The following RAD21L1 variants were observed in gnomAD, a reference collection of about 807,000 sequenced individuals.
RAD21L1 encodes the protein double-strand-break repair protein rad21-like protein 1.
In RAD21L1, 47 loss-of-function variants were observed where a neutral mutation model predicts 69.0. The ratio of observed to expected loss-of-function variants is 0.68; its 90% CI spans 0.54 to 0.87. The LOEUF is 0.87. Among genes scored for constraint, RAD21L1 ranks in the 40% least tolerant of loss-of-function variants. RAD21L1 has a pLI of 0.00. For synonymous variants in RAD21L1, 177 were observed against 205.8 expected, an observed-to-expected ratio of 0.86 and a Z score of 1.20; for missense variants, 583 against 647.6, an observed-to-expected ratio of 0.90 and a Z score of 1.08.
intron 13 of RAD21L1, among the ~76,000 whole-genome samples, chr20:1,252,166 G>T (rs2122172035): frequency 6.6e-6 from 1 of 152,228 alleles, no homozygotes; most frequent in African/African-American, 2.4e-5. Context: ...TCTTTCCTTA[G>T]TGATTTTCTT....
intron 2 of RAD21L1, 94 bp from the exon 3 acceptor site, chr20:1,229,786 A>T: frequency 1.0e-6 from 1 of 961,574 alleles, no homozygotes; most frequent in Non-Finnish European, 1.5e-6. Context: ...CTGCTTTTTT[A>T]AGAGAACCAA....
chr20:1,250,832 C>T (rs1352389436), intron 13 of RAD21L1, among the ~76,000 whole-genome samples: 1 of 152,060 alleles, frequency 6.6e-6, no homozygotes, highest in African/African-American at 2.4e-5. Flanking sequence ...TTTATAATAT[C>T]TCTTATCAAA....
At chr20:1,238,733 C>T (rs2087548342) in intron 6 of RAD21L1, among the ~76,000 whole-genome samples, 1 of 152,046 alleles carries the variant, frequency 6.6e-6, no homozygotes, top group Admixed American at 6.6e-5. Context: ...ATTTGTTTTA[C>T]TCTTAACATA....
chr20:1,249,358 G>A (rs2087779779), intron 13 of RAD21L1, among the ~76,000 whole-genome samples: 1 of 152,142 alleles, frequency 6.6e-6, no homozygotes, highest in Admixed American at 6.6e-5. Context: ...TGTTTACAGT[G>A]TTATATTTGT....
intron 7 of RAD21L1, among the ~76,000 whole-genome samples, 165 bp downstream of exon 7, chr20:1,239,572 GAT>G (rs1335876230): frequency 6.6e-6 from 1 of 152,204 alleles, no homozygotes; most frequent in Non-Finnish European, 1.5e-5. Context: ...ATTGGATTCT[GAT>G]AAAGGTACAC....
At chr20:1,251,249 T>C (rs2087824652) in intron 13 of RAD21L1, among the ~76,000 whole-genome samples, 1 of 152,180 alleles carries the variant, frequency 6.6e-6, no homozygotes, top group South Asian at 2.1e-4. Flanking sequence ...TATTGAAAGG[T>C]CAGATATTGC....
rs1012291331 is a variant in RAD21L1, at chr20:1,254,354, A to G, written c.1565A>G (p.Tyr522Cys). ...CGAAAACAAGCAGCTGCCAAATTTT[A>G]TAGCTTTCTTGTCCTAAAGAAACAG... Reference protein sequence around the residue: ...SDRKQAAAKFYSFLVLKKQLA... With the variant: ...SDRKQAAAKFCSFLVLKKQLA... The change falls in exon 14 of 14, where the codon TAT becomes TGT. Residue 522 changes from tyrosine (Y) to cysteine (C), a missense_variant. Tyr to Cys is a radical substitution (Grantham distance 194, BLOSUM62 -2). Transcript: ENST00000683101. 5 of 1,551,314 alleles carry G rather than the reference A, an allele frequency of 3.2e-6. No individual in the cohort carries two copies. The African/African-American group carries it at 5.5e-5, about 17-fold the overall frequency.
chr20:1,248,342 C>T (rs140679905), intron 12 of RAD21L1, among the ~76,000 whole-genome samples: 4 of 152,178 alleles, frequency 2.6e-5, no homozygotes, highest in East Asian at 1.9e-4. Context: ...TCAAAGTAAC[C>T]GTAAGACCCT....
In RAD21L1 at chr20:1,231,579, T is replaced by C; in HGVS notation, c.328T>C (p.Leu110=). The change falls in exon 4 of 14, where the codon TTG becomes CTG. Residue 110 remains leucine, a synonymous_variant. Coordinates refer to ENST00000683101, the MANE Select transcript of RAD21L1 (RefSeq NM_001384355.1). ...NFEASYNAIT[L]PEEFHDFDTQ... The stretch of plus-strand genomic sequence containing the variant: ...TGAAGCATCTTACAATGCTATCACA[T>C]TGCCAGAAGAATTTCATGATTTTGA... 1.9e-6 allele frequency: 3 copies of C among 1,538,668 alleles called. No homozygotes were observed. The highest frequency in any genetic ancestry group is 4.9e-5 in the East Asian group (2 of 40,644).
At position 1,239,136 on chromosome 20, in the gene RAD21L1, G is replaced by A. The variant is rs116017310; in HGVS notation, c.647-176G>A. On this transcript the variant is annotated intron_variant, in intron 6 of 13. Transcript: ENST00000683101. ...GCCACTGCGCCCAGCCAAAATGCAC[G>A]TTTTAAAGATTATTTATTGGCTGTT... Among the ~76,000 whole-genome samples, 602 of 152,072 alleles carry A rather than the reference G, an allele frequency of 4.0e-3. 2 individuals carry two copies. The highest frequency in any genetic ancestry group is 0.013 in the African/African-American group (551 of 41,486).
chr20:1,251,124 C>T (rs1235177561), intron 13 of RAD21L1, among the ~76,000 whole-genome samples: 3 of 152,110 alleles, frequency 2.0e-5, no homozygotes, highest in African/African-American at 7.2e-5. Context: ...CCCTCCATAC[C>T]AGCGTGAGCG....
At chr20:1,226,546 T>G (rs2087264183) in intron 1 of RAD21L1, 1 of 152,366 alleles carries the variant, frequency 6.6e-6, no homozygotes, top group Non-Finnish European at 1.5e-5. Flanking sequence ...CCTGCCCGGC[T>G]CAGCCCTCTC....
chr20:1,242,554 G>T, intron 8 of RAD21L1, 65 bp from the exon 9 acceptor site: 2 of 1,235,342 alleles, frequency 1.6e-6, no homozygotes, highest in Non-Finnish European at 2.3e-6. Flanking sequence ...TAAGTATTTA[G>T]TGCCTACAAT....
At chr20:1,237,199 G>A (rs540103170) in intron 5 of RAD21L1, among the ~76,000 whole-genome samples, 3 of 152,248 alleles carry the variant, frequency 2.0e-5, no homozygotes, top group African/African-American at 4.8e-5. Context: ...GACCTCTGGG[G>A]TTTCAGACTC....
chr20:1,236,672 A>C (rs896345026), intron 5 of RAD21L1, among the ~76,000 whole-genome samples: 1 of 152,224 alleles, frequency 6.6e-6, no homozygotes, highest in Admixed American at 6.5e-5. Flanking sequence ...GTTGGGATAT[A>C]ACTAACAACA....
chr20:1,231,518 CT>C lies in RAD21L1; in HGVS notation c.275-4del. 1 of 1,436,062 alleles carries C rather than the reference CT, an allele frequency of 7.0e-7. No individual in the cohort carries two copies. Among genetic ancestry groups the C allele is most frequent in the Non-Finnish European group, 9.5e-7 (1 of 1,048,736 alleles). 89.0% of individuals were successfully genotyped at this position (1,436,062 alleles called of 1,614,324 possible). On this transcript the variant is annotated splice_polypyrimidine_tract_variant and splice_region_variant and intron_variant, in intron 3 of 13. Coordinates refer to ENST00000683101, the MANE Select transcript of RAD21L1 (RefSeq NM_001384355.1). The stretch of plus-strand genomic sequence containing the variant: ...TGCTTATTGAGTATGGTTTTTGATC[CT>C]TTTCAGGACTGGTTGACCTTCCAAA...
At chr20:1,252,277 C>T (rs2087849222) in intron 13 of RAD21L1, among the ~76,000 whole-genome samples, 1 of 152,148 alleles carries the variant, frequency 6.6e-6, no homozygotes. Flanking sequence ...CACCAAAAAA[C>T]TGACTGGAAG....
intron 7 of RAD21L1, among the ~76,000 whole-genome samples, 185 bp downstream of exon 7, chr20:1,239,592 T>G (rs2087566072): frequency 1.3e-5 from 2 of 152,174 alleles, no homozygotes; most frequent in Non-Finnish European, 2.9e-5. Context: ...CACTGAAGGG[T>G]ATTTAGCCAG....
At chr20:1,228,321 C>A in intron 1 of RAD21L1, 101 bp from the exon 2 acceptor site, 1 of 550,002 alleles carries the variant, frequency 1.8e-6, no homozygotes, top group Non-Finnish European at 3.1e-6. Flanking sequence ...TGAATTAGAA[C>A]ATAATCTGAA....
Sources: gnomAD v4.1 joint callset for allele counts (sites outside exome capture counted in the v4.1 genomes callset) on GRCh38, gnomAD v4.1.1 for gene constraint, MANE v1.5 for transcripts, NCBI Gene and HGNC (gene_info 2026-07-23, HGNC 2026-07-21) for gene names.